Variants in TLL1 observed in about 807,000 individuals in gnomAD.
The protein encoded by TLL1 is tolloid like 1, also known as tolloid-like protein 1.
In TLL1, 49 loss-of-function variants were observed where a neutral mutation model predicts 128.2. That is an observed-to-expected ratio of 0.38 (90% CI 0.30 to 0.48). The LOEUF (loss-of-function observed/expected upper bound fraction) is 0.48, where lower values mean the gene tolerates loss of function less well. Ranked by LOEUF, TLL1 falls within the 20% of genes least tolerant of loss-of-function variation. TLL1 has a pLI of 0.96. For missense variants in TLL1, 1,123 were observed against 1,242.0 expected, an observed-to-expected ratio of 0.90 and a Z score of 1.44; for synonymous variants, 454 against 418.8, an observed-to-expected ratio of 1.08 and a Z score of -1.03.
chr4:165,913,001 A>C (rs1159382171), intron 1 of TLL1, among the ~76,000 whole-genome samples: 1 of 152,200 alleles, frequency 6.6e-6, no homozygotes, highest in Non-Finnish European at 1.5e-5. Context: ...AATATTTGAA[A>C]AAATCATCAC....
chr4:166,010,409 C>T lies in TLL1; in HGVS notation c.917+2361C>T, dbSNP rs111933326. Reference sequence around the variant, plus strand: ...ATTAGTGAACATCCTTTTATATGCTCGGTGGCATTTGTATATCATCTTTGG... The same window carrying T: ...ATTAGTGAACATCCTTTTATATGCTTGGTGGCATTTGTATATCATCTTTGG... On this transcript the variant is annotated intron_variant, in intron 7 of 20. Coordinates refer to ENST00000061240, the MANE Select transcript of TLL1 (RefSeq NM_012464.5). Among the ~76,000 whole-genome samples, 1,335 of 150,922 alleles carry T rather than the reference C, an allele frequency of 8.8e-3. 21 individuals carry two copies. Among genetic ancestry groups the T allele is most frequent in the African/African-American group, 0.031 (1,264 of 41,300 alleles).
At chr4:165,926,630 C>T (rs1733282129) in intron 1 of TLL1, among the ~76,000 whole-genome samples, 2 of 152,014 alleles carry the variant, frequency 1.3e-5, no homozygotes, top group African/African-American at 4.8e-5. Context: ...TCCATGTATC[C>T]CTGCTGCTGT....
intron 1 of TLL1, among the ~76,000 whole-genome samples, chr4:165,930,612 A>C (rs965441852): frequency 6.6e-6 from 1 of 152,204 alleles, no homozygotes; most frequent in Non-Finnish European, 1.5e-5. Flanking sequence ...CTGGCTCTTT[A>C]CAGAGAAAGT....
chr4:166,094,572 A>AG (rs1349765426), intron 19 of TLL1, among the ~76,000 whole-genome samples: 1 of 152,204 alleles, frequency 6.6e-6, no homozygotes, highest in Non-Finnish European at 1.5e-5. Context: ...CTGTCATTTC[A>AG]GAAATGAGAA....
intron 1 of TLL1, among the ~76,000 whole-genome samples, chr4:165,947,408 C>T (rs1290209196): frequency 2.6e-5 from 4 of 152,034 alleles, no homozygotes; most frequent in African/African-American, 9.7e-5. Context: ...CAGTCCGTAA[C>T]ACCTGGCTTC....
chr4:166,073,769 C>A (rs1740898786), intron 16 of TLL1, among the ~76,000 whole-genome samples: 1 of 152,072 alleles, frequency 6.6e-6, no homozygotes, highest in Admixed American at 6.6e-5. Flanking sequence ...TCTTCCCTAA[C>A]CTTTTTCCAT....
intron 2 of TLL1, among the ~76,000 whole-genome samples, chr4:165,991,851 A>G (rs1294793054): frequency 6.6e-6 from 1 of 152,036 alleles, no homozygotes; most frequent in African/African-American, 2.4e-5. Context: ...CTACAAATTC[A>G]TAGGCACTTG....
intron 2 of TLL1, among the ~76,000 whole-genome samples, chr4:165,990,267 C>T (rs893932180): frequency 1.3e-5 from 2 of 151,816 alleles, no homozygotes; most frequent in Admixed American, 1.3e-4. Context: ...ATCTCTTTCT[C>T]TAATTATATT....
At chr4:166,080,421 T>C (rs918622285) in intron 18 of TLL1, among the ~76,000 whole-genome samples, 34 of 152,168 alleles carry the variant, frequency 2.2e-4, no homozygotes, top group African/African-American at 8.2e-4. Context: ...CTCCCATCTG[T>C]TCTTGCATAT....
intron 1 of TLL1, among the ~76,000 whole-genome samples, chr4:165,971,656 C>T (rs1041696808): frequency 6.6e-6 from 1 of 152,128 alleles, no homozygotes; most frequent in Non-Finnish European, 1.5e-5. Flanking sequence ...TTTCTCAGTG[C>T]GTCACTGGGA....
chr4:165,885,655 T>C (rs996885752), intron 1 of TLL1, among the ~76,000 whole-genome samples: 6 of 152,046 alleles, frequency 3.9e-5, no homozygotes, highest in Admixed American at 3.9e-4. Flanking sequence ...ATATCTTACG[T>C]GTGTATCAGA....
At chr4:166,078,950 A>G (rs1741160988) in intron 18 of TLL1, among the ~76,000 whole-genome samples, 1 of 152,154 alleles carries the variant, frequency 6.6e-6, no homozygotes, top group South Asian at 2.1e-4. Context: ...ATTGGCCAAT[A>G]AAAAGGCCTT....
At chr4:166,042,877 G>A (rs190433682) in intron 11 of TLL1, among the ~76,000 whole-genome samples, 27 of 152,288 alleles carry the variant, frequency 1.8e-4, no homozygotes, top group African/African-American at 6.0e-4. Context: ...CAGAGACCCA[G>A]TGAGTTCTGT....
chr4:166,003,711 AC>A, intron 6 of TLL1, 142 bp downstream of exon 6: 4 of 848,138 alleles, frequency 4.7e-6, no homozygotes, highest in South Asian at 1.5e-5. Context: ...ATTAAAAATC[AC>A]CCATGATGAT....
intron 1 of TLL1, among the ~76,000 whole-genome samples, chr4:165,912,122 G>A (rs1036330471): frequency 6.6e-6 from 1 of 152,168 alleles, no homozygotes; most frequent in South Asian, 2.1e-4. Context: ...TGATCTGTCT[G>A]CCTCGGCCTC....
chr4:166,020,499 T>G (rs1738169548), intron 8 of TLL1, among the ~76,000 whole-genome samples: 1 of 152,182 alleles, frequency 6.6e-6, no homozygotes, highest in Admixed American at 6.5e-5. Flanking sequence ...TCTCTCGTCT[T>G]AAATGATTGA....
At chr4:165,974,703 G>A (rs1363264344) in intron 1 of TLL1, among the ~76,000 whole-genome samples, 1 of 152,176 alleles carries the variant, frequency 6.6e-6, no homozygotes, top group Non-Finnish European at 1.5e-5. Flanking sequence ...CAGTACAAGA[G>A]AAAGATTTAA....
rs147223396 is a variant in TLL1 at position 165,951,225 on chromosome 4, C to A, written c.170-38156C>A. On this transcript the variant is annotated intron_variant, in intron 1 of 20. Transcript: ENST00000061240. ...GAAATGATAACCTGAATAGCCTACACCTATTAAATAAATTGAATTACTGTT... is the reference window on the plus strand; with the variant it reads ...GAAATGATAACCTGAATAGCCTACAACTATTAAATAAATTGAATTACTGTT... Among the ~76,000 whole-genome samples the A allele has an allele frequency of 2.6e-3, 403 of 152,152 alleles. 2 individuals are homozygous for A. The highest frequency in any genetic ancestry group is 8.2e-3 in the African/African-American group (340 of 41,532).
At chr4:166,019,749 T>C (rs928491621) in intron 8 of TLL1, among the ~76,000 whole-genome samples, 1 of 152,178 alleles carries the variant, frequency 6.6e-6, no homozygotes, top group Non-Finnish European at 1.5e-5. Flanking sequence ...AGAAGAGTGA[T>C]GGCATTAAAA....
Sources: allele counts gnomAD v4.1 joint callset (sites outside exome capture counted in the v4.1 genomes callset), GRCh38; gene constraint gnomAD v4.1.1; transcripts MANE v1.5; gene names NCBI Gene and HGNC (gene_info 2026-07-23, HGNC 2026-07-21).